Variants in UVRAG observed in about 807,000 individuals in gnomAD.
UVRAG encodes the protein UV radiation resistance-associated gene protein.
UVRAG carries 19 observed loss-of-function variants against 78.0 expected under a neutral mutation model. That is an observed-to-expected ratio of 0.24 (90% CI 0.17 to 0.36). The LOEUF (loss-of-function observed/expected upper bound fraction) is 0.36, where lower values mean the gene tolerates loss of function less well. Ranked by LOEUF, UVRAG falls within the 10% of genes least tolerant of loss-of-function variation. The probability of loss-of-function intolerance (pLI) is 1.00; values close to 1 mark genes in which losing one functional copy is unlikely to be tolerated. For missense variants in UVRAG, 740 were observed against 853.8 expected, an observed-to-expected ratio of 0.87 and a Z score of 1.66; for synonymous variants, 323 against 324.6, an observed-to-expected ratio of 1.00 and a Z score of 0.05.
intron 1 of UVRAG, among the ~76,000 whole-genome samples, chr11:75,824,953 G>T (rs144171649): frequency 0.01 from 1,578 of 151,900 alleles, 30 homozygotes; most frequent in African/African-American, 0.036. Flanking sequence ...GATTACAGGC[G>T]TGAGCCAGCG....
chr11:75,850,465 A>G (rs1263682674), intron 1 of UVRAG, among the ~76,000 whole-genome samples: 1 of 152,178 alleles, frequency 6.6e-6, no homozygotes, highest in Non-Finnish European at 1.5e-5. Context: ...GGGGTTGGGT[A>G]TGTGGAAGAG....
chr11:75,818,970 C>T (rs1945327250), intron 1 of UVRAG, among the ~76,000 whole-genome samples: 1 of 152,146 alleles, frequency 6.6e-6, no homozygotes, highest in African/African-American at 2.4e-5. Context: ...TCAGCAGCAC[C>T]TCCCCAGTCC....
chr11:75,866,247 G>A (rs1046509818), intron 3 of UVRAG, among the ~76,000 whole-genome samples: 6 of 151,540 alleles, frequency 4.0e-5, no homozygotes, highest in Admixed American at 1.3e-4. Flanking sequence ...CGAGCTGAGC[G>A]TGGTGGCTCA....
chr11:75,820,276 C>G (rs1465888173), intron 1 of UVRAG, among the ~76,000 whole-genome samples: 1 of 152,132 alleles, frequency 6.6e-6, no homozygotes, highest in Non-Finnish European at 1.5e-5. Context: ...CTACGCCCAG[C>G]CAGAAAATTT....
intron 13 of UVRAG, among the ~76,000 whole-genome samples, chr11:76,103,549 T>C (rs1347754458): frequency 7.0e-6 from 1 of 141,972 alleles, no homozygotes; most frequent in Non-Finnish European, 1.5e-5. Context: ...TTTTTTTTTT[T>C]TTTTTTGAAG....
intron 1 of UVRAG, among the ~76,000 whole-genome samples, chr11:75,843,216 C>T (rs1160903069): frequency 6.6e-6 from 1 of 152,096 alleles, no homozygotes; most frequent in East Asian, 1.9e-4. Context: ...GTGATCTGAC[C>T]GGGTTTTTTA....
chr11:75,906,278 G>T (rs544235870), intron 5 of UVRAG, among the ~76,000 whole-genome samples: 1 of 152,056 alleles, frequency 6.6e-6, no homozygotes, highest in South Asian at 2.1e-4. Context: ...TAAATCCAAG[G>T]TTATATAAAC....
At position 76,141,198 on chromosome 11, in the gene UVRAG, G is replaced by A; in HGVS notation, c.1885G>A (p.Val629Met). ...PVSEAELCCT[V>M]EQAEEIIGLE... ...CTCAGAAGCTGAGCTCTGCTGTACT[G>A]TGGAGCAAGCAGAAGAAATCATCGG... Residue 629 changes from valine to methionine, a missense_variant, in exon 15 of 15, where the codon GTG (valine) becomes ATG (methionine). Transcript: ENST00000356136. 5 of 1,614,174 alleles carry A rather than the reference G, an allele frequency of 3.1e-6. 1 individual carries two copies. The South Asian group carries it at 4.4e-5, about 14-fold the overall frequency.
chr11:75,958,863 C>G (rs563562543), intron 6 of UVRAG, among the ~76,000 whole-genome samples: 1 of 152,202 alleles, frequency 6.6e-6, no homozygotes, highest in Non-Finnish European at 1.5e-5. Context: ...CCATGGGCTA[C>G]AGAATGGATA....
chr11:75,825,103 A>C (rs746699456), intron 1 of UVRAG, among the ~76,000 whole-genome samples: 1 of 151,844 alleles, frequency 6.6e-6, no homozygotes, highest in Non-Finnish European at 1.5e-5. Flanking sequence ...TAATGACATA[A>C]GTAATGTCTT....
chr11:76,065,749 T>G lies in UVRAG; in HGVS notation c.1266T>G (p.Phe422Leu), dbSNP rs772805805. The G allele has an allele frequency of 6.2e-7, 1 of 1,613,852 alleles. No individual in the cohort carries two copies. The highest frequency in any genetic ancestry group is 1.3e-5 in the African/African-American group (1 of 74,918). The change falls in exon 13 of 15, where the codon TTT becomes TTG. Residue 422 changes from phenylalanine to leucine, a missense_variant. Physicochemically the swap from Phe to Leu is conservative, Grantham distance 22. Transcript: ENST00000356136. ...LYPKGGEKLQ[F>L]DYGVYLLNKN... ...CAAAAGGAGGGGAGAAGTTGCAGTT[T>G]GATTATGGTGTCTATCTTCTGAACA... is the stretch of plus-strand genomic sequence containing the variant.
At chr11:75,825,119 T>C (rs533344786) in intron 1 of UVRAG, among the ~76,000 whole-genome samples, 7 of 152,120 alleles carry the variant, frequency 4.6e-5, no homozygotes, top group Non-Finnish European at 7.4e-5. Flanking sequence ...GTCTTTTTTT[T>C]TTTTTTGAGA....
intron 11 of UVRAG, among the ~76,000 whole-genome samples, chr11:76,009,159 T>G (rs917511974): frequency 1.3e-5 from 2 of 152,096 alleles, no homozygotes; most frequent in African/African-American, 4.8e-5. Flanking sequence ...GCCCTTCCTT[T>G]TGGTTTGATT....
rs1004845275 is a variant in UVRAG at position 75,815,226 on chromosome 11, C to T, written c.-182C>T. ...TTGCACTGCGGTAATATGGCTCTTC[C>T]TTAGCCAGCGGCGGCAACGGCGGCA... On this transcript the variant is annotated 5_prime_UTR_variant, in exon 1 of 15. Coordinates refer to ENST00000356136, the MANE Select transcript of UVRAG (RefSeq NM_003369.4). 1.1e-5 allele frequency: 5 copies of T among 447,138 alleles called. No homozygotes were observed. Among genetic ancestry groups the T allele is most frequent in the Admixed American group, 4.3e-5 (1 of 23,316 alleles). 27.7% of individuals were successfully genotyped at this position (447,138 alleles called of 1,614,324 possible). A position where few individuals can be genotyped will look rare whatever the true frequency, so the allele number is the denominator to read the frequency against.
intron 1 of UVRAG, among the ~76,000 whole-genome samples, chr11:75,832,549 A>T (rs1290935188): frequency 1.3e-5 from 2 of 152,226 alleles, no homozygotes; most frequent in Non-Finnish European, 1.5e-5. Flanking sequence ...TGGGTGTGCC[A>T]GCCTCCTAGC....
At chr11:75,830,415 G>T (rs939625863) in intron 1 of UVRAG, among the ~76,000 whole-genome samples, 1 of 152,056 alleles carries the variant, frequency 6.6e-6, no homozygotes, top group South Asian at 2.1e-4. Context: ...GACTACAGGC[G>T]CATGCCACCA....
intron 13 of UVRAG, among the ~76,000 whole-genome samples, chr11:76,071,727 A>G (rs1951313339): frequency 1.3e-5 from 2 of 152,112 alleles, no homozygotes; most frequent in South Asian, 4.1e-4. Context: ...AGGGGTAGAG[A>G]TGGAGAGAAG....
chr11:76,034,463 T>G (rs1011547141), intron 12 of UVRAG, among the ~76,000 whole-genome samples: 1 of 152,204 alleles, frequency 6.6e-6, no homozygotes, highest in Non-Finnish European at 1.5e-5. Context: ...CCTCCCAAAG[T>G]GCTGGGATTA....
intron 1 of UVRAG, among the ~76,000 whole-genome samples, chr11:75,845,471 A>G (rs1342382362): frequency 1.3e-5 from 2 of 152,232 alleles, no homozygotes; most frequent in African/African-American, 2.4e-5. Context: ...AATGTGATAC[A>G]TATACACCAT....
Sources: allele counts gnomAD v4.1 joint callset (sites outside exome capture counted in the v4.1 genomes callset), GRCh38; gene constraint gnomAD v4.1.1; transcripts MANE v1.5; gene names NCBI Gene and HGNC (gene_info 2026-07-23, HGNC 2026-07-21).